The following KCNIP4 variants were observed in gnomAD, a reference collection of about 807,000 sequenced individuals.
KCNIP4 encodes potassium voltage-gated channel interacting protein 4, also known as Kv channel-interacting protein 4.
A neutral mutation model predicts 34.0 loss-of-function variants in KCNIP4; 12 were observed. The observed-to-expected ratio is 0.35, with a 90% CI of 0.23 to 0.57. KCNIP4 has a LOEUF of 0.57. Among genes scored for constraint, KCNIP4 ranks in the 20% least tolerant of loss-of-function variants. The pLI, the probability that KCNIP4 is intolerant of heterozygous loss-of-function variation, is 0.83. For synonymous variants in KCNIP4, 124 were observed against 102.2 expected (o/e 1.21, Z -1.29); for missense variants, 238 against 311.7 (o/e 0.76, Z 1.78).
chr4:21,512,007 G>A (rs7695055), intron 1 of KCNIP4, among the ~76,000 whole-genome samples: 191 of 150,144 alleles, frequency 1.3e-3, no homozygotes, highest in South Asian at 5.1e-3. Context: ...AAGGAAGTAA[G>A]GAGTAGGGAA....
chr4:21,726,131 T>G (rs527890053), intron 1 of KCNIP4, among the ~76,000 whole-genome samples: 1 of 152,298 alleles, frequency 6.6e-6, no homozygotes, highest in African/African-American at 2.4e-5. Flanking sequence ...CATAACTTCA[T>G]TAATTTTGAT....
At chr4:20,955,675 TA>T (rs1733227087) in intron 1 of KCNIP4, among the ~76,000 whole-genome samples, 1 of 152,088 alleles carries the variant, frequency 6.6e-6, no homozygotes, top group African/African-American at 2.4e-5. Flanking sequence ...TGAGTAGACA[TA>T]GTTGATTACC....
intron 1 of KCNIP4, among the ~76,000 whole-genome samples, chr4:21,811,499 C>A (rs1430438561): frequency 6.6e-6 from 1 of 152,196 alleles, no homozygotes; most frequent in Non-Finnish European, 1.5e-5. Context: ...TATAATCCCA[C>A]TTCAGGACTT....
At chr4:20,749,478 CTG>C (rs1753176259) in intron 5 of KCNIP4, among the ~76,000 whole-genome samples, 182 bp downstream of exon 5, 2 of 152,136 alleles carry the variant, frequency 1.3e-5, no homozygotes, top group African/African-American at 2.4e-5. Flanking sequence ...AGAAAATAAA[CTG>C]AATGTGGCTT....
At chr4:21,252,643 T>C (rs1354286806) in intron 1 of KCNIP4, among the ~76,000 whole-genome samples, 1 of 151,834 alleles carries the variant, frequency 6.6e-6, no homozygotes, top group Non-Finnish European at 1.5e-5. Context: ...AGGTGAAAAA[T>C]TTCCCCATGC....
chr4:21,486,743 T>C (rs1326099550), intron 1 of KCNIP4, among the ~76,000 whole-genome samples: 2 of 152,216 alleles, frequency 1.3e-5, no homozygotes, highest in African/African-American at 4.8e-5. Context: ...ATATGCTGTA[T>C]GCAGTATCCC....
chr4:21,254,531 AT>A (rs1452062454), intron 1 of KCNIP4, among the ~76,000 whole-genome samples: 1 of 152,088 alleles, frequency 6.6e-6, no homozygotes, highest in African/African-American at 2.4e-5. Context: ...TTTCATTTTT[AT>A]TTTTAATTGA....
chr4:21,420,069 A>C (rs1221405492), intron 1 of KCNIP4, among the ~76,000 whole-genome samples: 1 of 152,126 alleles, frequency 6.6e-6, no homozygotes, highest in African/African-American at 2.4e-5. Flanking sequence ...CTATTTTTAC[A>C]ATCTGTTCTA....
chr4:21,325,519 G>C (rs886298915), intron 1 of KCNIP4, among the ~76,000 whole-genome samples: 16 of 151,546 alleles, frequency 1.1e-4, no homozygotes, highest in African/African-American at 3.6e-4. Flanking sequence ...CTAAAGTTCT[G>C]TCAATTTTAT....
intron 1 of KCNIP4, among the ~76,000 whole-genome samples, chr4:21,742,092 T>G (rs2109130016): frequency 6.6e-6 from 1 of 152,224 alleles, no homozygotes; most frequent in South Asian, 2.1e-4. Context: ...AAAATGTTTC[T>G]TCTCCATAAA....
intron 1 of KCNIP4, among the ~76,000 whole-genome samples, chr4:21,591,743 C>A (rs555466116): frequency 6.6e-6 from 1 of 151,990 alleles, no homozygotes; most frequent in Non-Finnish European, 1.5e-5. Flanking sequence ...AAACCTTTAT[C>A]TTTTAATACT....
intron 2 of KCNIP4, among the ~76,000 whole-genome samples, chr4:20,867,131 A>G (rs2149504322): frequency 6.6e-6 from 1 of 152,246 alleles, no homozygotes; most frequent in African/African-American, 2.4e-5. Flanking sequence ...TACTAAGAAC[A>G]TTCTTCACAG....
chr4:21,176,175 C>T lies in KCNIP4; in HGVS notation c.62-293466G>A, dbSNP rs114968611. Reference sequence around the variant, plus strand: ...TATGGACTTAAGTTGGGCTTTAAGACCAAGACTGCAGACCAAATTTTTATT... The same window carrying T: ...TATGGACTTAAGTTGGGCTTTAAGATCAAGACTGCAGACCAAATTTTTATT... On this transcript the variant is annotated intron_variant, in intron 1 of 8. Coordinates refer to ENST00000382152, the MANE Select transcript of KCNIP4 (RefSeq NM_025221.6). 1.5e-3 allele frequency among the ~76,000 whole-genome samples: 227 copies of T among 152,276 alleles called. 1 individual carries two copies. Among genetic ancestry groups the T allele is most frequent in the African/African-American group, 5.1e-3 (214 of 41,554 alleles).
In KCNIP4 at chr4:21,436,518, C is replaced by T. The variant is rs150417951; in HGVS notation, c.61+512053G>A. On this transcript the variant is annotated intron_variant, in intron 1 of 8. Coordinates refer to ENST00000382152, the MANE Select transcript of KCNIP4 (RefSeq NM_025221.6). Reference sequence around the variant, plus strand: ...CTAAAATGCATTCCAAAAATCACTACACATTCCCTTCTCGCCACATCTCCA... The same window carrying T: ...CTAAAATGCATTCCAAAAATCACTATACATTCCCTTCTCGCCACATCTCCA... Among the ~76,000 whole-genome samples, 69 of 152,324 alleles carry T rather than the reference C, an allele frequency of 4.5e-4. 1 individual carries two copies. The highest frequency in any genetic ancestry group is 1.6e-3 in the African/African-American group (65 of 41,576).
chr4:21,454,633 G>A (rs12510093), intron 1 of KCNIP4, among the ~76,000 whole-genome samples: 9,377 of 152,088 alleles, frequency 0.062, 398 homozygotes, highest in Non-Finnish European at 0.089. Flanking sequence ...ATATTAAGAA[G>A]CATTAGAAAA....
chr4:20,830,180 C>G (rs1183505594), intron 3 of KCNIP4, among the ~76,000 whole-genome samples: 1 of 152,220 alleles, frequency 6.6e-6, no homozygotes, highest in Non-Finnish European at 1.5e-5. Flanking sequence ...TAAGTAGCAG[C>G]ATCAGGATAT....
At chr4:20,941,528 G>C (rs530144605) in intron 1 of KCNIP4, among the ~76,000 whole-genome samples, 1 of 152,268 alleles carries the variant, frequency 6.6e-6, no homozygotes, top group South Asian at 2.1e-4. Context: ...TTTAAAGGTA[G>C]AAATTCTCAT....
At position 21,750,445 on chromosome 4, in the gene KCNIP4, C is replaced by T. The variant is rs370245876; in HGVS notation, c.61+198126G>A. Among the ~76,000 whole-genome samples, 6 of 152,256 alleles carry T rather than the reference C, an allele frequency of 3.9e-5. No individual in the cohort carries two copies. In the East Asian group the frequency reaches 1.2e-3, roughly 29 times the overall value. On this transcript the variant is annotated intron_variant, in intron 1 of 8. Coordinates refer to ENST00000382152, the MANE Select transcript of KCNIP4 (RefSeq NM_025221.6). ...GAGTGACACCAGCATTTCCAGTTCC[C>T]TCAAATATGCCTCCGCAGCTCTAGG...
chr4:21,519,663 T>TGTGTGTGTATGTATGTGTATATAC (rs1560480531), intron 1 of KCNIP4, among the ~76,000 whole-genome samples: 1 of 118,426 alleles, frequency 8.4e-6, no homozygotes, highest in Non-Finnish European at 1.7e-5. Context: ...TGTGTATATA[T>TGTGTGTGTATGTATGTGTATATAC]ACACGTGTGT....
Sources: allele counts gnomAD v4.1 joint callset (sites outside exome capture counted in the v4.1 genomes callset), GRCh38; gene constraint gnomAD v4.1.1; transcripts MANE v1.5; gene names NCBI Gene and HGNC (gene_info 2026-07-23, HGNC 2026-07-21).